SHPRH: variants seen among roughly 807,000 people sequenced by gnomAD.
SHPRH encodes the protein SNF2 histone linker PHD RING helicase.
A neutral mutation model predicts 202.5 loss-of-function variants in SHPRH; 106 were observed. That is an observed-to-expected ratio of 0.52 (90% CI 0.45 to 0.62). The LOEUF (loss-of-function observed/expected upper bound fraction) is 0.62. Ranked by LOEUF, SHPRH falls within the 20% of genes least tolerant of loss-of-function variation. The probability of loss-of-function intolerance (pLI) is 0.00; values close to 1 mark genes in which losing one functional copy is unlikely to be tolerated. For synonymous variants in SHPRH, 729 were observed against 686.0 expected (o/e 1.06, Z -0.98); for missense variants, 1,710 against 2,020.0 (o/e 0.85, Z 2.94).
intron 23 of SHPRH, among the ~76,000 whole-genome samples, chr6:145,915,065 A>G (rs1783827711): frequency 6.7e-6 from 1 of 148,702 alleles, no homozygotes; most frequent in African/African-American, 2.4e-5. Flanking sequence ...AAATAATTAC[A>G]TTATTTTAAT....
chr6:145,886,623 G>T lies in SHPRH; in HGVS notation c.*68C>A. 1.3e-6 allele frequency: 2 copies of T among 1,582,402 alleles called. No homozygotes were observed. The highest frequency in any genetic ancestry group is 1.7e-6 in the Non-Finnish European group (2 of 1,166,800). On this transcript the variant is annotated 3_prime_UTR_variant, in exon 30 of 30. Transcript: ENST00000275233. Reference sequence around the variant, plus strand: ...GTTATCTACTGGGTTTTTAAAACTTGTAACTTTGCTCTACAGCTATGAAAG... The same window carrying T: ...GTTATCTACTGGGTTTTTAAAACTTTTAACTTTGCTCTACAGCTATGAAAG...
intron 2 of SHPRH, chr6:145,871,642 A>G (rs143272849): frequency 2.7e-4 from 41 of 152,356 alleles, no homozygotes; most frequent in Admixed American, 6.5e-4. Flanking sequence ...TATAAATTCA[A>G]TGTTATTCCC....
At chr6:145,887,708 T>C (rs1001362069) in intron 29 of SHPRH, among the ~76,000 whole-genome samples, 1 of 152,114 alleles carries the variant, frequency 6.6e-6, no homozygotes, top group Non-Finnish European at 1.5e-5. Flanking sequence ...CTAATTTTTG[T>C]GTTTTTAGTA....
rs749266636 is a variant in SHPRH at position 145,884,910 on chromosome 6, AT to A, written c.*1780del. On this transcript the variant is annotated 3_prime_UTR_variant, in exon 30 of 30. Coordinates refer to ENST00000275233, the MANE Select transcript of SHPRH (RefSeq NM_001042683.3). ...GGTTTTTTTATATATATGTAATTTG[AT>A]TTTACAAAATTGAAGCATATCAAAT... The A allele has an allele frequency of 1.8e-4, 28 of 152,284 alleles. No homozygotes were observed. The highest frequency in any genetic ancestry group is 3.9e-4 in the Admixed American group (6 of 15,292). 9.4% of individuals were successfully genotyped at this position (152,284 alleles called of 1,614,324 possible).
In SHPRH at chr6:145,910,565, C is replaced by T. The variant is rs1783403054; in HGVS notation, c.4398G>A (p.Val1466=). 1 of 1,612,644 alleles carries T rather than the reference C, an allele frequency of 6.2e-7. No individual in the cohort carries two copies. Among genetic ancestry groups the T allele is most frequent in the Admixed American group, 1.7e-5 (1 of 59,752 alleles). The change falls in exon 25 of 30, where the codon GTG becomes GTA. Residue 1466 remains valine (V), a synonymous_variant. Coordinates refer to ENST00000275233, the MANE Select transcript of SHPRH (RefSeq NM_001042683.3). Reference sequence around the variant, plus strand: ...ACTTAATGGAGCTTCTGTGAGATCCCACGCTGTATTGTTCAATAATTATAG... The same window carrying T: ...ACTTAATGGAGCTTCTGTGAGATCCTACGCTGTATTGTTCAATAATTATAG... The part of the protein sequence containing the change: ...CISIIIEQYS[V]GSHRSSIKCA...
intron 24 of SHPRH, among the ~76,000 whole-genome samples, chr6:145,911,536 A>G (rs1046919269): frequency 1.3e-5 from 2 of 152,182 alleles, no homozygotes; most frequent in Non-Finnish European, 2.9e-5. Context: ...CGAGAGACGT[A>G]AGAACAATAG....
Position 145,958,302 on chromosome 6 carries a change from A to G in SHPRH, c.-32-2948T>C, listed in dbSNP as rs141775401. Among the ~76,000 whole-genome samples, 342 of 152,338 alleles carry G rather than the reference A, an allele frequency of 2.2e-3. 3 individuals are homozygous for G. The highest frequency in any genetic ancestry group is 7.7e-3 in the African/African-American group (320 of 41,572). On this transcript the variant is annotated intron_variant, in intron 1 of 29. Transcript: ENST00000275233. Reference sequence around the variant, plus strand: ...AATTGAATTTTCTTATACATAAATTATATCATAAAGTTGATTTAAAGAGCA... The same window carrying G: ...AATTGAATTTTCTTATACATAAATTGTATCATAAAGTTGATTTAAAGAGCA...
intron 2 of SHPRH, among the ~76,000 whole-genome samples, chr6:145,876,272 G>A (rs1310764600): frequency 1.3e-5 from 2 of 152,118 alleles, no homozygotes; most frequent in African/African-American, 4.8e-5. Flanking sequence ...ACTTGAGGAG[G>A]CCAAGGCAGG....
At position 145,933,193 on chromosome 6, in the gene SHPRH, A is replaced by AG. The variant is rs745524477; in HGVS notation, c.2991-16dup. On this transcript the variant is annotated splice_polypyrimidine_tract_variant and intron_variant, in intron 13 of 29. Coordinates refer to ENST00000275233, the MANE Select transcript of SHPRH (RefSeq NM_001042683.3). ...TTGTCATGGTGCTAAAAGAAAAGGT[A>AG]GACTGTTCAAAACTAGAAAGAAAAT... 3.1e-6 allele frequency: 5 copies of AG among 1,613,786 alleles called. No homozygotes were observed. In the Admixed American group the frequency reaches 8.3e-5, roughly 27 times the overall value.
chr6:145,953,910 A>G (rs1354414410), intron 2 of SHPRH, among the ~76,000 whole-genome samples: 1 of 151,884 alleles, frequency 6.6e-6, no homozygotes, highest in Non-Finnish European at 1.5e-5. Flanking sequence ...GGTACCAGGT[A>G]CTTTACTAGG....
chr6:145,941,580 C>T lies in SHPRH; in HGVS notation c.2490+43G>A, dbSNP rs760278896. The T allele has an allele frequency of 2.5e-6, 4 of 1,605,590 alleles. No individual in the cohort carries two copies. The Admixed American group carries it at 5.1e-5, about 20-fold the overall frequency. On this transcript the variant is annotated intron_variant, in intron 10 of 29. Coordinates refer to ENST00000275233, the MANE Select transcript of SHPRH (RefSeq NM_001042683.3). ...CTCAAGGTCCCCTAATTCCTTTTCA[C>T]CCTTCTTCCCCAGCCCTCAAAAGAT...
chr6:145,867,806 T>G (rs1020396330), intron 2 of SHPRH, among the ~76,000 whole-genome samples: 5 of 151,560 alleles, frequency 3.3e-5, no homozygotes, highest in Non-Finnish European at 7.4e-5. Flanking sequence ...CTGATTTCAG[T>G]TTCTGCTCTC....
chr6:145,954,277 G>C (rs1025417460), intron 2 of SHPRH, among the ~76,000 whole-genome samples: 1 of 152,052 alleles, frequency 6.6e-6, no homozygotes, highest in Non-Finnish European at 1.5e-5. Flanking sequence ...TCAAGGGCTT[G>C]TCAAGGGAGG....
At chr6:145,949,540 T>G (rs1787757998) in intron 4 of SHPRH, among the ~76,000 whole-genome samples, 1 of 151,944 alleles carries the variant, frequency 6.6e-6, no homozygotes, top group African/African-American at 2.4e-5. Context: ...AAGCTATAAG[T>G]ACATGGGGGC....
intron 2 of SHPRH, among the ~76,000 whole-genome samples, chr6:145,866,190 A>G (rs1388489961): frequency 6.6e-6 from 1 of 152,332 alleles, no homozygotes; most frequent in African/African-American, 2.4e-5. Context: ...ATGCCATATA[A>G]ATTTGTGCTT....
chr6:145,942,641 C>T (rs1786914899), intron 9 of SHPRH, among the ~76,000 whole-genome samples: 1 of 152,194 alleles, frequency 6.6e-6, no homozygotes, highest in Non-Finnish European at 1.5e-5. Flanking sequence ...ATCATATCTT[C>T]ACAAATGACT....
chr6:145,937,460 A>G (rs931935639), intron 11 of SHPRH, among the ~76,000 whole-genome samples: 1 of 152,118 alleles, frequency 6.6e-6, no homozygotes, highest in African/African-American at 2.4e-5. Flanking sequence ...CCACTTGCCT[A>G]GATTACTTCT....
At chr6:145,957,851 A>G (rs1025037458) in intron 1 of SHPRH, among the ~76,000 whole-genome samples, 3 of 152,208 alleles carry the variant, frequency 2.0e-5, no homozygotes, top group Admixed American at 6.5e-5. Context: ...AAATCAAAAC[A>G]TAAATCCACA....
At chr6:145,943,840 T>C (rs768233535) in intron 8 of SHPRH, 38 bp from the exon 9 acceptor site, 10 of 1,495,468 alleles carry the variant, frequency 6.7e-6, no homozygotes, top group Non-Finnish European at 9.0e-6. Flanking sequence ...TTGCAACTAG[T>C]TGCATTTCTG....
Sources: gnomAD v4.1 joint callset for allele counts (sites outside exome capture counted in the v4.1 genomes callset) on GRCh38, gnomAD v4.1.1 for gene constraint, MANE v1.5 for transcripts, NCBI Gene and HGNC (gene_info 2026-07-23, HGNC 2026-07-21) for gene names.